The following RAP1GDS1 variants were observed in gnomAD, a reference collection of about 807,000 sequenced individuals.
RAP1GDS1 encodes the protein Rap1 GTPase-GDP dissociation stimulator 1.
A neutral mutation model predicts 71.1 loss-of-function variants in RAP1GDS1; 35 were observed. That is an observed-to-expected ratio of 0.49 (90% CI 0.38 to 0.65). The LOEUF (loss-of-function observed/expected upper bound fraction) is 0.65. Among genes scored for constraint, RAP1GDS1 ranks in the 30% least tolerant of loss-of-function variants. The pLI is 0.00. For missense variants in RAP1GDS1, 663 were observed against 706.1 expected, an observed-to-expected ratio of 0.94 and a Z score of 0.69; for synonymous variants, 229 against 243.1, an observed-to-expected ratio of 0.94 and a Z score of 0.54.
chr4:98,261,714 G>T (rs1378912316), intron 1 of RAP1GDS1, 145 bp downstream of exon 1: 3 of 1,123,754 alleles, frequency 2.7e-6, no homozygotes, highest in African/African-American at 1.6e-5. Context: ...GGGGAGAGTC[G>T]GCGCACGCGG....
chr4:98,419,912 AAAAT>A, intron 10 of RAP1GDS1, 103 bp from the exon 11 acceptor site: 1 of 1,171,366 alleles, frequency 8.5e-7, no homozygotes, highest in Admixed American at 2.9e-5. Context: ...TCTAAATGGA[AAAAT>A]AAAACATGGA....
chr4:98,347,266 T>A (rs1736428948), intron 3 of RAP1GDS1, among the ~76,000 whole-genome samples: 2 of 152,194 alleles, frequency 1.3e-5, no homozygotes, highest in African/African-American at 4.8e-5. Context: ...TACTTTATGA[T>A]GCTGCTGAAA....
At chr4:98,419,004 C>T (rs546139279) in intron 10 of RAP1GDS1, among the ~76,000 whole-genome samples, 1 of 152,286 alleles carries the variant, frequency 6.6e-6, no homozygotes, top group Admixed American at 6.5e-5. Flanking sequence ...TGCCTTCATT[C>T]AGATATCCTG....
At chr4:98,324,945 T>G (rs1023077760) in intron 2 of RAP1GDS1, among the ~76,000 whole-genome samples, 35 of 151,808 alleles carry the variant, frequency 2.3e-4, no homozygotes, top group Non-Finnish European at 4.6e-4. Context: ...CTAAAGAGCT[T>G]CTGCACAGCA....
chr4:98,301,656 G>T (rs906956721), intron 2 of RAP1GDS1, among the ~76,000 whole-genome samples: 2 of 152,112 alleles, frequency 1.3e-5, no homozygotes, highest in South Asian at 4.1e-4. Context: ...GGAACCAGGA[G>T]CCCAAGGGTA....
Position 98,442,735 on chromosome 4 carries a change from T to C in RAP1GDS1, c.*618T>C, listed in dbSNP as rs1423312475. ...ACAAACTTGGCAAGACTTTCTGAGG[T>C]TTCTGATTCCATATTTAATTGACTA... On this transcript the variant is annotated 3_prime_UTR_variant, in exon 15 of 15. Coordinates refer to ENST00000408927, the MANE Select transcript of RAP1GDS1 (RefSeq NM_001100427.2). The C allele has an allele frequency of 4.4e-6, 1 of 228,050 alleles. No individual in the cohort carries two copies. The highest frequency in any genetic ancestry group is 5.7e-5 in the Admixed American group (1 of 17,642). The allele number at this position is 228,050 out of a possible 1,614,324, so 14.1% of individuals were successfully genotyped here.
chr4:98,441,149 T>G (rs1048461299), intron 14 of RAP1GDS1, among the ~76,000 whole-genome samples: 2 of 152,212 alleles, frequency 1.3e-5, no homozygotes, highest in African/African-American at 4.8e-5. Context: ...AATTTTAGGA[T>G]GGATTTTTCT....
Position 98,412,530 on chromosome 4 carries a change from G to C in RAP1GDS1, c.764-4215G>C, listed in dbSNP as rs77889414. Among the ~76,000 whole-genome samples, 1,117 of 152,202 alleles carry C rather than the reference G, an allele frequency of 7.3e-3. 19 individuals are homozygous for C. The highest frequency in any genetic ancestry group is 0.026 in the African/African-American group (1,076 of 41,528). ...ACACTGTCTCTTAAACAAAAAATCT[G>C]TGTTGCAAATGTATTTTTCAGGTGA... is the stretch of plus-strand genomic sequence containing the variant. On this transcript the variant is annotated intron_variant, in intron 7 of 14. Transcript: ENST00000408927.
At chr4:98,366,461 G>C (rs1739511024) in intron 4 of RAP1GDS1, among the ~76,000 whole-genome samples, 1 of 152,062 alleles carries the variant, frequency 6.6e-6, no homozygotes, top group Non-Finnish European at 1.5e-5. Context: ...ACAGTAAATT[G>C]GTACCAGGAG....
At chr4:98,343,533 A>T (rs1735794433) in intron 3 of RAP1GDS1, among the ~76,000 whole-genome samples, 1 of 152,184 alleles carries the variant, frequency 6.6e-6, no homozygotes, top group Admixed American at 6.5e-5. Context: ...TACTTTGGGT[A>T]TAAGATTCTT....
Position 98,443,015 on chromosome 4 carries a change from A to ATTTTTTTTTCTCTTTTT in RAP1GDS1, c.*907_*908insCTCTTTTTTTTTTTTTT, listed in dbSNP as rs543199019. 1 of 130,754 alleles carries ATTTTTTTTTCTCTTTTT rather than the reference A, an allele frequency of 7.6e-6. No homozygotes were observed. Among genetic ancestry groups the ATTTTTTTTTCTCTTTTT allele is most frequent in the Non-Finnish European group, 1.4e-5 (1 of 70,748 alleles). The allele number at this position is 130,754 out of a possible 1,614,324, so 8.1% of individuals were successfully genotyped here. A position where few individuals can be genotyped will look rare whatever the true frequency, so the allele number is the denominator to read the frequency against. On this transcript the variant is annotated 3_prime_UTR_variant, in exon 15 of 15. Transcript: ENST00000408927. The stretch of plus-strand genomic sequence containing the variant: ...TGAGTATAGTTCATTGAAGAATGGA[A>ATTTTTTTTTCTCTTTTT]TTTTTTTTTTTTTTTTTTTTTTTGC...
At chr4:98,394,349 A>T (rs2110132879) in intron 6 of RAP1GDS1, among the ~76,000 whole-genome samples, 1 of 152,276 alleles carries the variant, frequency 6.6e-6, no homozygotes, top group South Asian at 2.1e-4. Flanking sequence ...ATTAGTCATT[A>T]TTACCGCCTC....
At chr4:98,425,688 T>C (rs1258973234) in intron 12 of RAP1GDS1, among the ~76,000 whole-genome samples, 1 of 152,100 alleles carries the variant, frequency 6.6e-6, no homozygotes, top group African/African-American at 2.4e-5. Flanking sequence ...CAATCCTGAA[T>C]ATATATGCAC....
chr4:98,371,672 T>G (rs1485532428), intron 4 of RAP1GDS1, among the ~76,000 whole-genome samples: 1 of 151,032 alleles, frequency 6.6e-6, no homozygotes, highest in Admixed American at 6.6e-5. Flanking sequence ...AGATGAGATT[T>G]CACTGTGTTG....
At chr4:98,274,731 A>G (rs1172526770) in intron 1 of RAP1GDS1, among the ~76,000 whole-genome samples, 1 of 152,142 alleles carries the variant, frequency 6.6e-6, no homozygotes. Context: ...CAAGCTTGGA[A>G]TTGACTTCTT....
rs1322476843 is a variant in RAP1GDS1 at position 98,442,333 on chromosome 4, C to T, written c.*216C>T. The stretch of plus-strand genomic sequence containing the variant: ...TCAAAGGCAAGTCTCCACCCATAAC[C>T]GTTCTCTTGTATTCCTGTTGCTTGA... On this transcript the variant is annotated 3_prime_UTR_variant, in exon 15 of 15. Coordinates refer to ENST00000408927, the MANE Select transcript of RAP1GDS1 (RefSeq NM_001100427.2). 1.8e-5 allele frequency: 9 copies of T among 510,144 alleles called. No individual in the cohort carries two copies. Among genetic ancestry groups the T allele is most frequent in the East Asian group, 3.4e-5 (1 of 29,216 alleles). The allele number at this position is 510,144 out of a possible 1,614,324, so 31.6% of individuals were successfully genotyped here. A position where few individuals can be genotyped will look rare whatever the true frequency, so the allele number is the denominator to read the frequency against.
intron 1 of RAP1GDS1, among the ~76,000 whole-genome samples, chr4:98,272,257 G>A (rs77866580): frequency 6.6e-6 from 1 of 152,232 alleles, no homozygotes; most frequent in East Asian, 1.9e-4. Context: ...AATCAAAATA[G>A]GAACATTAAA....
chr4:98,280,973 C>G (rs1724993430), intron 1 of RAP1GDS1, among the ~76,000 whole-genome samples: 1 of 152,188 alleles, frequency 6.6e-6, no homozygotes, highest in Admixed American at 6.5e-5. Context: ...GTCTATATCT[C>G]TGTTTTGGTA....
intron 2 of RAP1GDS1, among the ~76,000 whole-genome samples, chr4:98,334,963 G>A (rs973854124): frequency 3.4e-5 from 5 of 148,954 alleles, no homozygotes; most frequent in Non-Finnish European, 7.4e-5. Flanking sequence ...GGCTTTACAT[G>A]TCAGCTTAAT....
Sources: allele counts gnomAD v4.1 joint callset (sites outside exome capture counted in the v4.1 genomes callset), GRCh38; gene constraint gnomAD v4.1.1; transcripts MANE v1.5; gene names NCBI Gene and HGNC (gene_info 2026-07-23, HGNC 2026-07-21).